ARHGAP33: variants seen among roughly 807,000 people sequenced by gnomAD.
ARHGAP33 encodes rho GTPase-activating protein 33.
In ARHGAP33, 57 loss-of-function variants were observed where a neutral mutation model predicts 126.2. The observed-to-expected ratio is 0.45, with a 90% confidence interval of 0.36 to 0.56. The LOEUF (loss-of-function observed/expected upper bound fraction) is 0.56, where lower values mean the gene tolerates loss of function less well. ARHGAP33 is among the 20% of genes least tolerant of loss of function. ARHGAP33 has a pLI of 0.00. For missense variants in ARHGAP33, 1,500 were observed against 1,748.3 expected, an observed-to-expected ratio of 0.86 and a Z score of 2.53; for synonymous variants, 711 against 755.0, an observed-to-expected ratio of 0.94 and a Z score of 0.95.
chr19:35,780,169 CG>C, intron 6 of ARHGAP33, 41 bp from the exon 7 acceptor site: 2 of 1,605,034 alleles, frequency 1.2e-6, no homozygotes, highest in Admixed American at 1.7e-5. Context: ...GCACTAACAC[CG>C]TCTTCTGACC....
At chr19:35,784,651 GC>G in intron 16 of ARHGAP33, 2 of 1,076,858 alleles carry the variant, frequency 1.9e-6, no homozygotes, top group Non-Finnish European at 2.2e-6. Context: ...TCCCCGCCCT[GC>G]CCCGGACCCC....
rs961531296 is a variant in ARHGAP33, at chr19:35,782,138, G to A, written c.1086-235G>A. Among the ~76,000 whole-genome samples the A allele has an allele frequency of 7.9e-5, 12 of 152,176 alleles. No individual in the cohort carries two copies. Among genetic ancestry groups the A allele is most frequent in the African/African-American group, 2.7e-4 (11 of 41,434 alleles). Reference sequence around the variant, plus strand: ...ACAGTCTTGGGTAGCTGCAGGCAGAGGCACCTCTGTCTGAGCCTCAGCATC... The same window carrying A: ...ACAGTCTTGGGTAGCTGCAGGCAGAAGCACCTCTGTCTGAGCCTCAGCATC... On this transcript the variant is annotated intron_variant, in intron 12 of 20. Coordinates refer to ENST00000007510, the MANE Select transcript of ARHGAP33 (RefSeq NM_001366178.1). This position sits in a 1 kb window ranked among gnomAD's most constrained non-coding sequence, Gnocchi z 4.1.
chr19:35,784,280 C>CA lies in ARHGAP33; in HGVS notation c.1531dup (p.Ser511LysfsTer180), dbSNP rs1971968760. The CA allele has an allele frequency of 6.2e-7, 1 of 1,606,234 alleles. No homozygotes were observed. Among genetic ancestry groups the CA allele is most frequent in the Non-Finnish European group, 8.5e-7 (1 of 1,175,604 alleles). On this transcript the variant is annotated frameshift_variant, in exon 16 of 21. Transcript: ENST00000007510. LOFTEE classifies it high-confidence loss of function. Reference sequence around the variant, plus strand: ...TGCTCACCCATGTGGACGTCCTGTTCAGCGACACCTTCACCTCCGCCGGCC... The same window carrying CA: ...TGCTCACCCATGTGGACGTCCTGTTCAAGCGACACCTTCACCTCCGCCGGCC...
In ARHGAP33 at chr19:35,788,024, A is replaced by C; in HGVS notation, c.3459A>C (p.Ser1153=). 6.8e-7 allele frequency: 1 copy of C among 1,460,838 alleles called. No individual in the cohort carries two copies. The highest frequency in any genetic ancestry group is 9.1e-7 in the Non-Finnish European group (1 of 1,094,112). 90.5% of individuals were successfully genotyped at this position (1,460,838 alleles called of 1,614,324 possible). Residue 1153 remains serine, a synonymous_variant, in exon 21 of 21, where the codon TCA becomes TCC. Transcript: ENST00000007510. The stretch of plus-strand genomic sequence containing the variant: ...TTCCCCCTGACCACCTTGGCTACTC[A>C]GCCCCCCAGCACCCTGCTCGGCGCC... ...SCFPPDHLGY[S]APQHPARRPT... is the part of the protein sequence containing the mutation.
chr19:35,784,550 T>C, intron 16 of ARHGAP33: 1 of 1,310,760 alleles, frequency 7.6e-7, no homozygotes, highest in Non-Finnish European at 9.7e-7. Context: ...CCTTCACCCC[T>C]TGTAGCTCCT....
intron 16 of ARHGAP33, 84 bp from the exon 17 acceptor site, chr19:35,784,869 G>C: frequency 7.1e-7 from 1 of 1,399,774 alleles, no homozygotes; most frequent in Admixed American, 3.1e-5. Flanking sequence ...CTGCGGGGCC[G>C]GGGCTTGGGC....
At position 35,784,428 on chromosome 19, in the gene ARHGAP33, C is replaced by T. The variant is rs576904138; in HGVS notation, c.1567+111C>T. 91 of 1,429,764 alleles carry T rather than the reference C, an allele frequency of 6.4e-5. 2 individuals are homozygous for T. In the South Asian group the frequency reaches 1.4e-3, roughly 21 times the overall value. The allele number at this position is 1,429,764 out of a possible 1,614,324, so 88.6% of individuals were successfully genotyped here. On this transcript the variant is annotated intron_variant, in intron 16 of 20. Transcript: ENST00000007510. ...TCCCCACCCCACTGAAGCTGGGCCT[C>T]CCTCCGGCTCCTTGAGGATCCCGCC...
At chr19:35,780,357 C>G in intron 7 of ARHGAP33, 24 bp downstream of exon 7, 2 of 1,612,888 alleles carry the variant, frequency 1.2e-6, no homozygotes, top group Non-Finnish European at 1.7e-6. Flanking sequence ...GAAGCAGATT[C>G]CAGCTGGGCT....
chr19:35,780,276 G>A lies in ARHGAP33; in HGVS notation c.567G>A (p.Ala189=), dbSNP rs769192085. 6.2e-6 allele frequency: 10 copies of A among 1,613,690 alleles called. No individual in the cohort carries two copies. Among genetic ancestry groups the A allele is most frequent in the South Asian group, 3.3e-5 (3 of 91,088 alleles). Reference sequence around the variant, plus strand: ...CGTCACTCAATATCCCTGCAGTGGCGGCCGCCCATGTGATCAAACGGTATA... The same window carrying A: ...CGTCACTCAATATCCCTGCAGTGGCAGCCGCCCATGTGATCAAACGGTATA... ...EEASLNIPAV[A]AAHVIKRYTA... is the part of the protein sequence containing the mutation. The change falls in exon 7 of 21, where the codon GCG becomes GCA. Residue 189 remains alanine (A), a synonymous_variant. Coordinates refer to ENST00000007510, the MANE Select transcript of ARHGAP33 (RefSeq NM_001366178.1).
chr19:35,788,558 C>A lies in ARHGAP33; in HGVS notation c.*129C>A. The A allele has an allele frequency of 1.2e-6, 1 of 817,002 alleles. No individual in the cohort carries two copies. The highest frequency in any genetic ancestry group is 1.8e-6 in the Non-Finnish European group (1 of 548,196). The allele number at this position is 817,002 out of a possible 1,614,324, so 50.6% of individuals were successfully genotyped here. ...AGGTTTCTAACTTTGTAACTTGCTTCTGATGTGGGTCCCTAACCTATAATC... is the reference window on the plus strand; with the variant it reads ...AGGTTTCTAACTTTGTAACTTGCTTATGATGTGGGTCCCTAACCTATAATC... On this transcript the variant is annotated 3_prime_UTR_variant, in exon 21 of 21. Coordinates refer to ENST00000007510, the MANE Select transcript of ARHGAP33 (RefSeq NM_001366178.1).
intron 1 of ARHGAP33, among the ~76,000 whole-genome samples, chr19:35,777,426 G>A (rs1252640319): frequency 2.6e-5 from 4 of 152,078 alleles, no homozygotes; most frequent in South Asian, 4.1e-4. Context: ...CCCGCCTCAC[G>A]TCTGGCCCCT....
Position 35,788,346 on chromosome 19 carries a change from G to C in ARHGAP33, c.3781G>C (p.Gly1261Arg). The C allele has an allele frequency of 6.2e-7, 1 of 1,606,788 alleles. No individual in the cohort carries two copies. Among genetic ancestry groups the C allele is most frequent in the Non-Finnish European group, 8.5e-7 (1 of 1,177,484 alleles). Residue 1261 changes from glycine (G) to arginine (R), a missense_variant, in exon 21 of 21, where the codon GGG becomes CGG. By Grantham distance (125) the Gly-to-Arg change is moderately radical (BLOSUM62 -2). Coordinates refer to ENST00000007510, the MANE Select transcript of ARHGAP33 (RefSeq NM_001366178.1). ...GSLYRNGGQRGEGAGPPPPYP... is the reference protein window; with the variant it reads ...GSLYRNGGQRREGAGPPPPYP... The stretch of plus-strand genomic sequence containing the variant: ...CTTGTACAGAAATGGAGGGCAAAGA[G>C]GGGAGGGGGCTGGTCCCCCACCCCC...
intron 16 of ARHGAP33, 144 bp downstream of exon 16, chr19:35,784,461 C>CACCTGCGGAAAGGTGAGTGGGA: frequency 1.4e-6 from 2 of 1,396,518 alleles, no homozygotes; most frequent in Admixed American, 3.0e-5. Flanking sequence ...GCCCCGGCCT[C>CACCTGCGGAAAGGTGAGTGGGA]TCCCTCCCCG....
intron 3 of ARHGAP33, 126 bp downstream of exon 3, chr19:35,778,034 A>G: frequency 1.8e-6 from 2 of 1,129,842 alleles, no homozygotes; most frequent in Non-Finnish European, 1.3e-6. Flanking sequence ...CTGAGCAGTC[A>G]GTAGCAAAAG....
chr19:35,788,057 G>C lies in ARHGAP33; in HGVS notation c.3492G>C (p.Pro1164=), dbSNP rs145771181. 6.2e-7 allele frequency: 1 copy of C among 1,600,686 alleles called. No individual in the cohort carries two copies. The highest frequency in any genetic ancestry group is 8.5e-7 in the Non-Finnish European group (1 of 1,176,050). ...AGCACCCTGCTCGGCGCCCTACACCGCCTGAGCCCCTCTACGTCAACCTAG... is the reference window on the plus strand; with the variant it reads ...AGCACCCTGCTCGGCGCCCTACACCCCCTGAGCCCCTCTACGTCAACCTAG... ...APQHPARRPT[P]PEPLYVNLAL... Residue 1164 remains proline, a synonymous_variant, in exon 21 of 21, where the codon CCG becomes CCC. Coordinates refer to ENST00000007510, the MANE Select transcript of ARHGAP33 (RefSeq NM_001366178.1).
chr19:35,785,852 G>A (rs1024115489), intron 19 of ARHGAP33: 10 of 1,161,212 alleles, frequency 8.6e-6, no homozygotes, highest in Admixed American at 4.5e-5. Context: ...AGACTACCCT[G>A]CCCTTGCTTT....
In ARHGAP33 at chr19:35,787,431, C is replaced by A. The variant is rs1322526905; in HGVS notation, c.2866C>A (p.Leu956Ile). Reference protein sequence around the residue: ...TSGSGPPPNSLAHPGAWVPGP... With the variant: ...TSGSGPPPNSIAHPGAWVPGP... ...AGGGAGTGGGCCACCTCCCAACTCC[C>A]TAGCACACCCGGGTGCCTGGGTCCC... The change falls in exon 21 of 21, where the codon CTA (leucine) becomes ATA (isoleucine). Residue 956 changes from leucine to isoleucine, a missense_variant. Physicochemically the swap from Leu to Ile is conservative, Grantham distance 5. Around this residue, in one of 6 missense-constraint regions of ARHGAP33, gnomAD observed 642 missense variants for 634.0 expected, o/e 1.01. Transcript: ENST00000007510. 6.2e-7 allele frequency: 1 copy of A among 1,611,862 alleles called. No individual in the cohort carries two copies. The highest frequency in any genetic ancestry group is 8.5e-7 in the Non-Finnish European group (1 of 1,179,218).
At position 35,780,251 on chromosome 19, in the gene ARHGAP33, C is replaced by G; in HGVS notation, c.542C>G (p.Ala181Gly). 1.9e-6 allele frequency: 3 copies of G among 1,613,940 alleles called. No individual in the cohort carries two copies. Among genetic ancestry groups the G allele is most frequent in the Non-Finnish European group, 2.5e-6 (3 of 1,179,996 alleles). ...CGGCGACTGCTCCTCAGTGAGGAGG[C>G]GTCACTCAATATCCCTGCAGTGGCG... ...HGRRLLLSEE[A>G]SLNIPAVAAA... The change falls in exon 7 of 21, where the codon GCG becomes GGG. Residue 181 changes from alanine (A) to glycine (G), a missense_variant. Physicochemically the swap from Ala to Gly is moderately conservative, Grantham distance 60 (BLOSUM62 0). Coordinates refer to ENST00000007510, the MANE Select transcript of ARHGAP33 (RefSeq NM_001366178.1).
At position 35,787,249 on chromosome 19, in the gene ARHGAP33, A is replaced by T; in HGVS notation, c.2684A>T (p.Asn895Ile). The change falls in exon 21 of 21, where the codon AAC (asparagine) becomes ATC (isoleucine). Residue 895 changes from asparagine to isoleucine, a missense_variant. By Grantham distance (149) the Asn-to-Ile change is moderately radical. Transcript: ENST00000007510. ...GGTGCCCCACCCCCGCCCCCTAAGA[A>T]CCCAGCACGCCTCATGGCCCTGGCC... ...PGGAPPPPPK[N>I]PARLMALALA... 1 of 1,610,410 alleles carries T rather than the reference A, an allele frequency of 6.2e-7. No individual in the cohort carries two copies.
Sources: allele counts gnomAD v4.1 joint callset (sites outside exome capture counted in the v4.1 genomes callset), GRCh38; gene constraint gnomAD v4.1.1; regional missense constraint gnomAD v4.1.1; non-coding constraint Gnocchi (gnomAD v3.1); transcripts MANE v1.5; gene names NCBI Gene and HGNC (gene_info 2026-07-23, HGNC 2026-07-21).